The following GNG7 variants were observed in gnomAD, a reference collection of about 807,000 sequenced individuals.
GNG7 encodes guanine nucleotide-binding protein G(I)/G(S)/G(O) subunit gamma-7.
Under a neutral mutation model 4.0 loss-of-function variants are expected in GNG7, and 1 was observed. That is an observed-to-expected ratio of 0.25 (90% CI 0.09 to 1.18). The LOEUF (loss-of-function observed/expected upper bound fraction) is 1.18. Ranked by LOEUF, GNG7 falls within the 50% of genes most tolerant of loss-of-function variation. The pLI, the probability that GNG7 is intolerant of heterozygous loss-of-function variation, is 0.50. For synonymous variants in GNG7, 34 were observed against 36.9 expected (o/e 0.92, Z 0.29); for missense variants, 86 against 91.9 (o/e 0.94, Z 0.26).
Position 2,611,831 on chromosome 19 carries a change from G to A in GNG7, c.-78+34393C>T, listed in dbSNP as rs552253762. The A allele has an allele frequency of 1.1e-4, 17 of 152,052 alleles. No individual in the cohort carries two copies. Among genetic ancestry groups the A allele is most frequent in the African/African-American group, 3.9e-4 (16 of 41,472 alleles). 9.4% of individuals were successfully genotyped at this position (152,052 alleles called of 1,614,324 possible). A position where few individuals can be genotyped will look rare whatever the true frequency, so the allele number is the denominator to read the frequency against. ...AGCCTGGGCGACAGAGGGAGATTCT[G>A]TCTCTAAAAAAATAAAAAGTAAAAG... is the stretch of plus-strand genomic sequence containing the variant. On this transcript the variant is annotated intron_variant, in intron 2 of 4. Transcript: ENST00000382159. The surrounding 1 kb of genome is among the most constrained non-coding windows in gnomAD (Gnocchi z 6.0).
chr19:2,680,241 A>G (rs569939039), intron 1 of GNG7, among the ~76,000 whole-genome samples: 2 of 140,308 alleles, frequency 1.4e-5, no homozygotes, highest in African/African-American at 5.4e-5. Context: ...TCCACCTCCC[A>G]GGTTCAAGTG....
chr19:2,553,018 C>T (rs1161687303), intron 3 of GNG7, among the ~76,000 whole-genome samples: 5 of 149,170 alleles, frequency 3.4e-5, no homozygotes, highest in Admixed American at 6.9e-5. Flanking sequence ...CAGCGATAAA[C>T]GAGACAGAGA....
chr19:2,539,853 C>T (rs1978889497), intron 3 of GNG7, among the ~76,000 whole-genome samples: 2 of 93,806 alleles, frequency 2.1e-5, no homozygotes, highest in African/African-American at 7.6e-5. Context: ...CTCCTTCCTG[C>T]CTCCCTCCCT....
chr19:2,588,845 T>A (rs773992013), intron 2 of GNG7, among the ~76,000 whole-genome samples: 9 of 152,182 alleles, frequency 5.9e-5, no homozygotes, highest in Non-Finnish European at 1.0e-4. Context: ...CCTTGCTTTG[T>A]CTTCGTGGTG....
At chr19:2,605,931 G>A (rs1599418011) in intron 2 of GNG7, among the ~76,000 whole-genome samples, 1 of 152,118 alleles carries the variant, frequency 6.6e-6, no homozygotes, top group African/African-American at 2.4e-5. Flanking sequence ...GTCCTATAAG[G>A]GAAAATTCAC....
intron 2 of GNG7, among the ~76,000 whole-genome samples, chr19:2,580,191 C>T (rs537340788): frequency 7.9e-5 from 12 of 152,254 alleles, no homozygotes; most frequent in Middle Eastern, 3.4e-3. Flanking sequence ...TCCTGGCCCC[C>T]GACATTGGTC....
chr19:2,558,228 G>A (rs1423667772), intron 2 of GNG7, among the ~76,000 whole-genome samples: 8 of 127,308 alleles, frequency 6.3e-5, no homozygotes, highest in South Asian at 2.5e-4. Context: ...GATGGGCACC[G>A]TGTTTTTTTG....
rs1306177779 is a variant in GNG7, at chr19:2,633,405, A to C, written c.-78+12819T>G. On this transcript the variant is annotated intron_variant, in intron 2 of 4. Coordinates refer to ENST00000382159, the MANE Select transcript of GNG7 (RefSeq NM_052847.3). The surrounding 1 kb of genome is among the most constrained non-coding windows in gnomAD (Gnocchi z 5.9). ...CCAAGGCTCGATGAATCTGCCGATG[A>C]CCAAGTTGGTGCCTCATCCCTCGTT... Among the ~76,000 whole-genome samples the C allele has an allele frequency of 1.3e-5, 2 of 151,930 alleles. No individual in the cohort carries two copies. Among genetic ancestry groups the C allele is most frequent in the Non-Finnish European group, 2.9e-5 (2 of 67,982 alleles).
rs1981557196 is a variant in GNG7 at position 2,611,321 on chromosome 19, G to C, written c.-78+34903C>G. 1 of 152,256 alleles carries C rather than the reference G, an allele frequency of 6.6e-6. No homozygotes were observed. Among genetic ancestry groups the C allele is most frequent in the Non-Finnish European group, 1.5e-5 (1 of 68,118 alleles). 9.4% of individuals were successfully genotyped at this position (152,256 alleles called of 1,614,324 possible). A position where few individuals can be genotyped will look rare whatever the true frequency, so the allele number is the denominator to read the frequency against. On this transcript the variant is annotated intron_variant, in intron 2 of 4. Coordinates refer to ENST00000382159, the MANE Select transcript of GNG7 (RefSeq NM_052847.3). This position sits in a 1 kb window ranked among gnomAD's most constrained non-coding sequence, Gnocchi z 6.0. ...AGACTGCGGTGTTTCTGGGACGCTG[G>C]GAGCTGGAGCCAGGACAGGTCTCCC...
At chr19:2,632,955 G>GC (rs1180125406) in intron 2 of GNG7, 1 of 152,282 alleles carries the variant, frequency 6.6e-6, no homozygotes, top group Non-Finnish European at 1.5e-5. Context: ...GGAGCCCTCA[G>GC]CCCCTTGAAC....
intron 2 of GNG7, among the ~76,000 whole-genome samples, chr19:2,588,503 C>T (rs770075020): frequency 6.6e-6 from 1 of 152,226 alleles, no homozygotes; most frequent in Non-Finnish European, 1.5e-5. Context: ...TCAAAGGGCC[C>T]GTTCCCCCGG....
chr19:2,551,777 G>C (rs1019568079), intron 3 of GNG7, among the ~76,000 whole-genome samples: 2 of 151,980 alleles, frequency 1.3e-5, no homozygotes, highest in East Asian at 1.9e-4. Flanking sequence ...TCTGCCTCCC[G>C]GGCTCAAGTG....
intron 3 of GNG7, among the ~76,000 whole-genome samples, chr19:2,531,442 A>T (rs940997596): frequency 1.3e-5 from 2 of 152,104 alleles, no homozygotes; most frequent in African/African-American, 2.4e-5. Context: ...GGTGGCCCCA[A>T]ATGCCTGGAA....
rs746763462 is a variant in GNG7 at position 2,574,600 on chromosome 19, T to C, written c.-77-19412A>G. On this transcript the variant is annotated intron_variant, in intron 2 of 4. Transcript: ENST00000382159. ...GGCTGCGTAATATTCCACTGTCTGG[T>C]TGGACCATGCTGTGTTTATCCACTG... is the stretch of plus-strand genomic sequence containing the variant. 7.9e-5 allele frequency among the ~76,000 whole-genome samples: 12 copies of C among 152,226 alleles called. No individual in the cohort carries two copies. In the East Asian group the frequency reaches 1.9e-3, roughly 24 times the overall value.
At chr19:2,542,552 C>T (rs1285907634) in intron 3 of GNG7, among the ~76,000 whole-genome samples, 1 of 152,180 alleles carries the variant, frequency 6.6e-6, no homozygotes, top group African/African-American at 2.4e-5. Context: ...CTGGAAGCTT[C>T]GCGTCAGACA....
chr19:2,572,442 C>CT (rs959320301), intron 2 of GNG7, among the ~76,000 whole-genome samples: 5 of 151,174 alleles, frequency 3.3e-5, no homozygotes, highest in Non-Finnish European at 7.4e-5. Flanking sequence ...TTTTTCTTTT[C>CT]TTTTTTTTGA....
At chr19:2,643,630 T>G in intron 2 of GNG7, 1 of 455,600 alleles carries the variant, frequency 2.2e-6, no homozygotes, top group Admixed American at 2.4e-5. Flanking sequence ...GTCCGAGACC[T>G]CTCCGGGCTC....
chr19:2,679,665 C>T (rs1235366795), intron 1 of GNG7, among the ~76,000 whole-genome samples: 1 of 152,118 alleles, frequency 6.6e-6, no homozygotes, highest in African/African-American at 2.4e-5. Context: ...CAGAAGATTC[C>T]AGAACCCTCC....
intron 3 of GNG7, among the ~76,000 whole-genome samples, chr19:2,550,118 G>C (rs1979267939): frequency 6.6e-6 from 1 of 152,212 alleles, no homozygotes; most frequent in African/African-American, 2.4e-5. Context: ...GTGGGATGGG[G>C]AAAGAGTGTT....
Sources: gnomAD v4.1 joint callset for allele counts (sites outside exome capture counted in the v4.1 genomes callset) on GRCh38, gnomAD v4.1.1 for gene constraint, Gnocchi (gnomAD v3.1) non-coding constraint, MANE v1.5 for transcripts, NCBI Gene and HGNC (gene_info 2026-07-23, HGNC 2026-07-21) for gene names.